PKMYT1: variants seen among roughly 807,000 people sequenced by gnomAD.
PKMYT1 encodes membrane-associated tyrosine- and threonine-specific cdc2-inhibitory kinase.
In PKMYT1, 35 loss-of-function variants were observed where a neutral mutation model predicts 49.7. The observed-to-expected ratio is 0.70, with a 90% CI of 0.54 to 0.93. PKMYT1 has a LOEUF of 0.93. PKMYT1 is among the 40% of genes least tolerant of loss of function. PKMYT1 has a pLI of 0.00. For missense variants in PKMYT1, 677 were observed against 673.1 expected (o/e 1.01, Z -0.06); for synonymous variants, 331 against 287.6 (o/e 1.15, Z -1.53).
chr16:2,976,806 G>A lies in PKMYT1; in HGVS notation c.236C>T (p.Pro79Leu), dbSNP rs1156262706. ...CTCGCCCCGGAATGACACCCGCCGG[G>A]GCTGCAGCTGGTGCCAGCCTGGGGT... The part of the protein sequence containing the change: ...PRTPGWHQLQ[P>L]RRVSFRGEAS... Residue 79 changes from proline to leucine, a missense_variant, in exon 3 of 9, where the codon CCC (proline) becomes CTC (leucine). By Grantham distance (98) the Pro-to-Leu change is moderately conservative (BLOSUM62 -3). Transcript: ENST00000262300. 1.3e-6 allele frequency: 2 copies of A among 1,575,560 alleles called. No homozygotes were observed. The highest frequency in any genetic ancestry group is 2.7e-5 in the African/African-American group (2 of 74,122).
At chr16:2,973,907 G>T in intron 7 of PKMYT1, 93 bp downstream of exon 7, 1 of 1,361,294 alleles carries the variant, frequency 7.3e-7, no homozygotes, top group Non-Finnish European at 1.0e-6. Context: ...CCAGGTTTGT[G>T]GGAGTGGTCC....
chr16:2,973,059 G>A lies in PKMYT1; in HGVS notation c.1394C>T (p.Ala465Val), dbSNP rs1346776313. ...TPRSRCTPRDALDLSDINSEP... is the reference protein window; with the variant it reads ...TPRSRCTPRDVLDLSDINSEP... ...TGAGTTGATGTCACTTAGGTCCAGG[G>A]CATCCCTGGGAGGAGAGAGTAGTGA... is the stretch of plus-strand genomic sequence containing the variant. Residue 465 changes from alanine (A) to valine (V), a missense_variant, in exon 9 of 9, where the codon GCC becomes GTC. Ala to Val is a moderately conservative substitution (Grantham distance 64). Coordinates refer to ENST00000262300, the MANE Select transcript of PKMYT1 (RefSeq NM_004203.5). The A allele has an allele frequency of 6.2e-7, 1 of 1,602,064 alleles. No individual in the cohort carries two copies. The highest frequency in any genetic ancestry group is 8.5e-7 in the Non-Finnish European group (1 of 1,175,402).
rs1313166528 is a variant in PKMYT1 at position 2,974,601 on chromosome 16, C to A, written c.928G>T (p.Glu310Ter). Reference sequence around the variant, plus strand: ...CCCTGGCGCAGCTGCTGCCAGCCCTCCCCACCGTGGGGCAGCTCCATGTTG... The same window carrying A: ...CCCTGGCGCAGCTGCTGCCAGCCCTACCCACCGTGGGGCAGCTCCATGTTG... ...ACNMELPHGG[E>*]GWQQLRQGYL... The change falls in exon 5 of 9, where the codon GAG becomes TAG. Residue 310 changes from glutamate (E) to a stop codon, truncating the protein, a stop_gained. Transcript: ENST00000262300. LOFTEE classifies it high-confidence loss of function. The A allele has an allele frequency of 6.3e-7, 1 of 1,583,412 alleles. No homozygotes were observed. The highest frequency in any genetic ancestry group is 8.6e-7 in the Non-Finnish European group (1 of 1,165,240).
At chr16:2,977,977 G>A (rs2151079047) in intron 2 of PKMYT1, among the ~76,000 whole-genome samples, 1 of 152,306 alleles carries the variant, frequency 6.6e-6, no homozygotes, top group East Asian at 1.9e-4. Flanking sequence ...CGGCAGGCTG[G>A]GAACATGGAG....
Position 2,975,416 on chromosome 16 carries a change from C to T in PKMYT1, c.775G>A (p.Gly259Ser), listed in dbSNP as rs1412549117. The T allele has an allele frequency of 5.0e-6, 8 of 1,613,130 alleles. No individual in the cohort carries two copies. The highest frequency in any genetic ancestry group is 6.8e-6 in the Non-Finnish European group (8 of 1,179,996). Residue 259 changes from glycine (G) to serine (S), a missense_variant, in exon 4 of 9, where the codon GGT becomes AGT. Gly to Ser is a moderately conservative substitution (Grantham distance 56). Transcript: ENST00000262300. ...LGDFGLLVEL[G>S]TAGAGEVQEG... ...TGGACCTCACCAGCTCCTGCTGTACCCAGCTCCACCAGCAGTCCGAAGTCA... is the reference window on the plus strand; with the variant it reads ...TGGACCTCACCAGCTCCTGCTGTACTCAGCTCCACCAGCAGTCCGAAGTCA...
At chr16:2,973,253 G>C in intron 7 of PKMYT1, 38 bp from the exon 8 acceptor site, 1 of 1,482,552 alleles carries the variant, frequency 6.7e-7, no homozygotes, top group Non-Finnish European at 9.0e-7. Flanking sequence ...GGTGTCCAGG[G>C]CTAGGGAGTG....
chr16:2,972,823 G>C lies in PKMYT1; in HGVS notation c.*130C>G. Reference sequence around the variant, plus strand: ...ATGAGCAAGCTTGGGTGCTCCCAAGGTTCAAATACTTTTTATTAGACACGG... The same window carrying C: ...ATGAGCAAGCTTGGGTGCTCCCAAGCTTCAAATACTTTTTATTAGACACGG... On this transcript the variant is annotated 3_prime_UTR_variant, in exon 9 of 9. Coordinates refer to ENST00000262300, the MANE Select transcript of PKMYT1 (RefSeq NM_004203.5). 40 of 1,534,030 alleles carry C rather than the reference G, an allele frequency of 2.6e-5. No homozygotes were observed. In the South Asian group the frequency reaches 4.8e-4, roughly 18 times the overall value.
At position 2,973,184 on chromosome 16, in the gene PKMYT1, G is replaced by T. The variant is rs150931982; in HGVS notation, c.1342C>A (p.Arg448=). The change falls in exon 8 of 9, where the codon CGG becomes AGG. Residue 448 remains arginine (R), a synonymous_variant. Transcript: ENST00000262300. ...GGGGTGGAGGTGCTCCCCACAGTCC[G>T]GGCCAGGACAGCCTCAGGGGAGAGT... ...PSLSPEAVLA[R]TVGSTSTPRS... 1 of 1,524,462 alleles carries T rather than the reference G, an allele frequency of 6.6e-7. No individual in the cohort carries two copies. Among genetic ancestry groups the T allele is most frequent in the Admixed American group, 2.0e-5 (1 of 48,992 alleles). The allele number at this position is 1,524,462 out of a possible 1,614,324, so 94.4% of individuals were successfully genotyped here. A position where few individuals can be genotyped will look rare whatever the true frequency, so the allele number is the denominator to read the frequency against.
rs143167027 is a variant in PKMYT1, at chr16:2,975,541, G to A, written c.650C>T (p.Thr217Met). 22 of 1,611,996 alleles carry A rather than the reference G, an allele frequency of 1.4e-5. No individual in the cohort carries two copies. The highest frequency in any genetic ancestry group is 4.0e-5 in the African/African-American group (3 of 74,924). Residue 217 changes from threonine (T) to methionine (M), a missense_variant, in exon 4 of 9, where the codon ACG becomes ATG. Thr to Met is a moderately conservative substitution (Grantham distance 81). Coordinates refer to ENST00000262300, the MANE Select transcript of PKMYT1 (RefSeq NM_004203.5). The part of the protein sequence containing the change: ...EAQVWGYLRD[T>M]LLALAHLHSQ... ...GTGCAGATGGGCCAGGGCAAGCAGC[G>A]TGTCCCGCAGGTAGCCCCAGACCTG...
chr16:2,973,919 C>T, intron 7 of PKMYT1, 81 bp downstream of exon 7: 2 of 1,448,960 alleles, frequency 1.4e-6, no homozygotes, highest in Non-Finnish European at 1.9e-6. Flanking sequence ...GAGTGGTCCC[C>T]ATTCACCACG....
intron 5 of PKMYT1, 25 bp downstream of exon 5, chr16:2,974,524 AC>A (rs2072127128): frequency 6.5e-6 from 10 of 1,534,714 alleles, no homozygotes; most frequent in Admixed American, 1.9e-5. Flanking sequence ...CCGTGGCAGC[AC>A]CCCCTCCCGC....
intron 2 of PKMYT1, chr16:2,977,596 C>CT: frequency 1.5e-6 from 1 of 646,724 alleles, no homozygotes; most frequent in South Asian, 6.9e-5. Flanking sequence ...AAAGCAAGCA[C>CT]TGAAAGCCTC....
intron 7 of PKMYT1, chr16:2,973,645 A>G: frequency 2.3e-6 from 1 of 443,882 alleles, no homozygotes; most frequent in Non-Finnish European, 4.1e-6. Context: ...CCAGGGACCA[A>G]GGACTTGTTC....
Position 2,972,917 on chromosome 16 carries a change from ATAAAAGGT to A in PKMYT1, c.*28_*35del. On this transcript the variant is annotated 3_prime_UTR_variant, in exon 9 of 9. Transcript: ENST00000262300. ...TCAAGGGCGACGGGAGAGACACAGG[ATAAAAGGT>A]TAAAAGTGCAGAGGCAGAGTCTGGG... is the stretch of plus-strand genomic sequence containing the variant. 2 of 1,574,240 alleles carry A rather than the reference ATAAAAGGT, an allele frequency of 1.3e-6. No homozygotes were observed. The highest frequency in any genetic ancestry group is 8.6e-7 in the Non-Finnish European group (1 of 1,159,042).
intron 2 of PKMYT1, chr16:2,977,503 G>T: frequency 1.0e-6 from 1 of 992,400 alleles, no homozygotes. Flanking sequence ...CCCAGTTAGT[G>T]GTGTCCACTT....
At position 2,973,982 on chromosome 16, in the gene PKMYT1, C is replaced by T; in HGVS notation, c.1310+18G>A. On this transcript the variant is annotated intron_variant, in intron 7 of 8. Transcript: ENST00000262300. ...CCCACCTTCCCCCTAGCCCCCCATA[C>T]CCTGCACTTGAACCCACCCTAGGCT... The T allele has an allele frequency of 6.2e-7, 1 of 1,611,316 alleles. No homozygotes were observed.
intron 2 of PKMYT1, 71 bp downstream of exon 2, chr16:2,979,577 C>A: frequency 7.7e-7 from 1 of 1,300,536 alleles, no homozygotes; most frequent in East Asian, 2.3e-5. Flanking sequence ...AGGCCCAACC[C>A]TGGCACACTC....
In PKMYT1 at chr16:2,976,920, A is replaced by T. The variant is rs1204346564; in HGVS notation, c.122T>A (p.Leu41His). ...CCGGCTGAGCCCCCTGGGCCTCTTG[A>T]GGGAGAATCCAGGTTCTGCGTGGCG... The part of the protein sequence containing the change: ...YFRHAEPGFS[L>H]KRPRGLSRSL... Residue 41 changes from leucine (L) to histidine (H), a missense_variant, in exon 3 of 9, where the codon CTC becomes CAC. Leu to His is a moderately conservative substitution (Grantham distance 99). Coordinates refer to ENST00000262300, the MANE Select transcript of PKMYT1 (RefSeq NM_004203.5). The T allele has an allele frequency of 1.3e-6, 2 of 1,546,736 alleles. No individual in the cohort carries two copies. The highest frequency in any genetic ancestry group is 1.7e-6 in the Non-Finnish European group (2 of 1,142,914).
rs554702940 is a variant in PKMYT1, at chr16:2,976,881, G to A, written c.161C>T (p.Pro54Leu). Residue 54 changes from proline (P) to leucine (L), a missense_variant, in exon 3 of 9, where the codon CCG (proline) becomes CTG (leucine). Pro to Leu is a moderately conservative substitution (Grantham distance 98). Transcript: ENST00000262300. The stretch of plus-strand genomic sequence containing the variant: ...GGGAATGCTGCCCTTGGCAGGGGGC[G>A]GAGGTGGGAGGCTCCGGCTGAGCCC... ...PRGLSRSLPP[P>L]PPAKGSIPIS... The A allele has an allele frequency of 5.7e-5, 88 of 1,533,136 alleles. No homozygotes were observed. The highest frequency in any genetic ancestry group is 7.0e-5 in the Non-Finnish European group (79 of 1,134,094). The allele number at this position is 1,533,136 out of a possible 1,614,324, so 95.0% of individuals were successfully genotyped here.
Sources: gnomAD v4.1 joint callset for allele counts (sites outside exome capture counted in the v4.1 genomes callset) on GRCh38, gnomAD v4.1.1 for gene constraint, MANE v1.5 for transcripts, NCBI Gene and HGNC (gene_info 2026-07-23, HGNC 2026-07-21) for gene names.